The following PLXDC2 variants were observed in gnomAD, a reference collection of about 807,000 sequenced individuals.
The protein encoded by PLXDC2 is plexin domain-containing protein 2.
Under a neutral mutation model 68.9 loss-of-function variants are expected in PLXDC2, and 40 were observed. That is an observed-to-expected ratio of 0.58 (90% confidence interval 0.45 to 0.76). The LOEUF (loss-of-function observed/expected upper bound fraction) is 0.76, where lower values mean the gene tolerates loss of function less well. PLXDC2 is among the 30% of genes least tolerant of loss of function. The pLI is 0.00. For synonymous variants in PLXDC2, 243 were observed against 234.2 expected (o/e 1.04, Z -0.34); for missense variants, 644 against 661.9 (o/e 0.97, Z 0.30).
intron 13 of PLXDC2, among the ~76,000 whole-genome samples, chr10:20,271,246 G>C (rs913972978): frequency 2.6e-5 from 4 of 152,046 alleles, no homozygotes; most frequent in Non-Finnish European, 5.9e-5. Flanking sequence ...ACAGGCAGCA[G>C]TGTAAAGTGC....
At chr10:19,923,775 A>G (rs1833498344) in intron 1 of PLXDC2, among the ~76,000 whole-genome samples, 1 of 152,224 alleles carries the variant, frequency 6.6e-6, no homozygotes, top group African/African-American at 2.4e-5. Context: ...ATTTATCAGT[A>G]TATAATTTGG....
chr10:20,274,096 G>A (rs1274953219), intron 13 of PLXDC2, among the ~76,000 whole-genome samples: 3 of 151,428 alleles, frequency 2.0e-5, no homozygotes, highest in Non-Finnish European at 4.4e-5. Context: ...GGGAGAGGAG[G>A]AAAGGAAGGA....
chr10:20,098,341 T>TCGTG (rs1465489291), intron 4 of PLXDC2, among the ~76,000 whole-genome samples: 3 of 114,914 alleles, frequency 2.6e-5, no homozygotes, highest in African/African-American at 9.9e-5. Context: ...CCCGTCATTT[T>TCGTG]CGTGCGTGTG....
intron 1 of PLXDC2, among the ~76,000 whole-genome samples, chr10:19,891,438 C>T (rs1254792122): frequency 6.6e-6 from 1 of 152,180 alleles, no homozygotes; most frequent in Non-Finnish European, 1.5e-5. Context: ...CCGTAATTAC[C>T]ATTCACATCT....
chr10:19,839,120 G>T (rs930124972), intron 1 of PLXDC2, among the ~76,000 whole-genome samples: 1 of 151,436 alleles, frequency 6.6e-6, no homozygotes, highest in African/African-American at 2.4e-5. Context: ...TGGGAAGCAG[G>T]GGCTGCAGTG....
chr10:20,206,877 C>CACAG (rs1835001085), intron 9 of PLXDC2, among the ~76,000 whole-genome samples: 1 of 144,834 alleles, frequency 6.9e-6, no homozygotes. Flanking sequence ...CACACACAGA[C>CACAG]ACACACACAC....
chr10:20,187,850 T>C (rs1327733521), intron 9 of PLXDC2, among the ~76,000 whole-genome samples: 2 of 151,734 alleles, frequency 1.3e-5, no homozygotes, highest in Non-Finnish European at 1.5e-5. Flanking sequence ...TAAACATGTA[T>C]TTTAAATGTC....
At chr10:19,896,287 C>T (rs1838057190) in intron 1 of PLXDC2, among the ~76,000 whole-genome samples, 1 of 152,214 alleles carries the variant, frequency 6.6e-6, no homozygotes. Flanking sequence ...TCTGGCAAAC[C>T]ATGGTGCTCA....
At chr10:19,818,227 G>GGGGT (rs1554837240) in intron 1 of PLXDC2, among the ~76,000 whole-genome samples, 2 of 137,520 alleles carry the variant, frequency 1.5e-5, no homozygotes, top group African/African-American at 5.6e-5. Context: ...GTTCTTTTCT[G>GGGGT]GTGTGTGTGT....
intron 10 of PLXDC2, among the ~76,000 whole-genome samples, chr10:20,216,131 T>C (rs1364878485): frequency 6.6e-6 from 1 of 151,604 alleles, no homozygotes; most frequent in Non-Finnish European, 1.5e-5. Flanking sequence ...AATAAAAAAA[T>C]AGAGCAAGAT....
At chr10:20,164,654 T>A in intron 7 of PLXDC2, 87 bp downstream of exon 7, 8 of 886,560 alleles carry the variant, frequency 9.0e-6, no homozygotes, top group East Asian at 2.8e-5. Flanking sequence ...GTACCTGAAT[T>A]AAAAAAAAAA....
chr10:19,831,747 G>A (rs1261127632), intron 1 of PLXDC2, among the ~76,000 whole-genome samples: 1 of 152,178 alleles, frequency 6.6e-6, no homozygotes, highest in Admixed American at 6.5e-5. Flanking sequence ...TTCCTGCAAA[G>A]GATATGATCT....
chr10:19,875,031 C>T (rs964153624), intron 1 of PLXDC2, among the ~76,000 whole-genome samples: 1 of 152,212 alleles, frequency 6.6e-6, no homozygotes, highest in Non-Finnish European at 1.5e-5. Flanking sequence ...ACTTCTCTGG[C>T]ACCCTCTAAC....
chr10:20,218,944 A>C lies in PLXDC2; in HGVS notation c.1274-120A>C, dbSNP rs937221322. On this transcript the variant is annotated intron_variant, in intron 11 of 13. Transcript: ENST00000377252. Reference sequence around the variant, plus strand: ...ATTGCACTAGAAATTACCACAATAAATTATCAAAATCTAGTCATGTTCCGA... The same window carrying C: ...ATTGCACTAGAAATTACCACAATAACTTATCAAAATCTAGTCATGTTCCGA... 5 of 1,073,380 alleles carry C rather than the reference A, an allele frequency of 4.7e-6. No homozygotes were observed. In the Admixed American group the frequency reaches 1.2e-4, roughly 25 times the overall value. 66.5% of individuals were successfully genotyped at this position (1,073,380 alleles called of 1,614,324 possible).
chr10:20,045,282 T>C (rs992964539), intron 2 of PLXDC2, among the ~76,000 whole-genome samples: 2 of 152,078 alleles, frequency 1.3e-5, no homozygotes, highest in African/African-American at 2.4e-5. Flanking sequence ...GCAGCTCTCC[T>C]ACCTCAGCCT....
intron 1 of PLXDC2, among the ~76,000 whole-genome samples, chr10:19,941,752 T>A (rs1014235303): frequency 6.6e-6 from 1 of 152,220 alleles, no homozygotes; most frequent in East Asian, 1.9e-4. Context: ...CCATAGGTTT[T>A]CTTTTCCTTC....
intron 2 of PLXDC2, among the ~76,000 whole-genome samples, chr10:20,026,844 T>C (rs1835413647): frequency 6.8e-6 from 1 of 147,244 alleles, no homozygotes; most frequent in Admixed American, 6.9e-5. Context: ...AATATACTTT[T>C]ATAATATATT....
At chr10:19,885,821 T>C (rs1463713269) in intron 1 of PLXDC2, among the ~76,000 whole-genome samples, 3 of 152,196 alleles carry the variant, frequency 2.0e-5, no homozygotes, top group Admixed American at 6.5e-5. Flanking sequence ...GGCTTAGGAT[T>C]GACTTGGCGA....
chr10:20,272,353 G>A (rs1835950722), intron 13 of PLXDC2, among the ~76,000 whole-genome samples: 1 of 152,074 alleles, frequency 6.6e-6, no homozygotes, highest in African/African-American at 2.4e-5. Flanking sequence ...TCTTAGACCA[G>A]GAGGACAGAG....
Sources: gnomAD v4.1 joint callset for allele counts (sites outside exome capture counted in the v4.1 genomes callset) on GRCh38, gnomAD v4.1.1 for gene constraint, MANE v1.5 for transcripts, NCBI Gene and HGNC (gene_info 2026-07-23, HGNC 2026-07-21) for gene names.